Variants in TACC2 observed in about 807,000 individuals in gnomAD.
The protein encoded by TACC2 is transforming acidic coiled-coil containing protein 2.
Under a neutral mutation model 227.3 loss-of-function variants are expected in TACC2, and 137 were observed. The ratio of observed to expected loss-of-function variants is 0.60; its 90% CI spans 0.52 to 0.69. TACC2 has a LOEUF of 0.69. Among genes scored for constraint, TACC2 ranks in the 30% least tolerant of loss-of-function variants. TACC2 has a pLI of 0.00. For synonymous variants in TACC2, 1,523 were observed against 1,487.5 expected (o/e 1.02, Z -0.55); for missense variants, 3,470 against 3,694.4 (o/e 0.94, Z 1.57).
intron 7 of TACC2, among the ~76,000 whole-genome samples, chr10:122,152,029 T>C (rs963161431): frequency 6.6e-6 from 1 of 152,180 alleles, no homozygotes; most frequent in African/African-American, 2.4e-5. Context: ...CTCCCCTTAC[T>C]GCCCAAGGCT....
intron 3 of TACC2, among the ~76,000 whole-genome samples, chr10:122,065,769 C>T (rs1002389673): frequency 3.3e-5 from 5 of 151,978 alleles, no homozygotes; most frequent in African/African-American, 1.2e-4. Context: ...GTTTTTGCTT[C>T]TTGTGTTTTG....
At chr10:122,228,983 T>C (rs569317021) in intron 14 of TACC2, among the ~76,000 whole-genome samples, 94 of 152,216 alleles carry the variant, frequency 6.2e-4, no homozygotes, top group Non-Finnish European at 8.4e-4. Flanking sequence ...TATATATATA[T>C]ATTTGGAAGT....
At chr10:122,173,948 A>G (rs997900134) in intron 7 of TACC2, among the ~76,000 whole-genome samples, 4 of 152,172 alleles carry the variant, frequency 2.6e-5, no homozygotes, top group Admixed American at 1.3e-4. Context: ...TAGACAGGGA[A>G]GTGGGCTAGG....
At chr10:122,105,419 G>C (rs1565314188) in intron 5 of TACC2, among the ~76,000 whole-genome samples, 1 of 152,162 alleles carries the variant, frequency 6.6e-6, no homozygotes, top group Non-Finnish European at 1.5e-5. Flanking sequence ...CCTTGATCCA[G>C]TGGGGCAGAA....
intron 7 of TACC2, among the ~76,000 whole-genome samples, chr10:122,165,751 A>G (rs1423528617): frequency 6.6e-6 from 1 of 152,174 alleles, no homozygotes; most frequent in Non-Finnish European, 1.5e-5. Flanking sequence ...TTACGATAGT[A>G]TATTCACTCA....
At position 122,085,744 on chromosome 10, in the gene TACC2, T is replaced by C. The variant is rs951314455; in HGVS notation, c.3244T>C (p.Cys1082Arg). ...CCAGGATGCCCCAGAGACAGAGGCA[T>C]GTGATGAAACCCAGGAAGGCAGGCA... ...PTQDAPETEA[C>R]DETQEGRQQP... is the part of the protein sequence containing the mutation. Residue 1082 changes from cysteine to arginine, a missense_variant, in exon 4 of 23, where the codon TGT (cysteine) becomes CGT (arginine). Cys to Arg is a radical substitution (Grantham distance 180). This residue lies in a region of TACC2 where 1,924 missense variants were observed against 1,978.3 expected (regional missense o/e 0.97). Coordinates refer to ENST00000369005, the MANE Select transcript of TACC2 (RefSeq NM_206862.4). 2 of 1,613,726 alleles carry C rather than the reference T, an allele frequency of 1.2e-6. No homozygotes were observed. Among genetic ancestry groups the C allele is most frequent in the South Asian group, 1.1e-5 (1 of 91,060 alleles).
chr10:122,104,258 T>C (rs908294577), intron 5 of TACC2, among the ~76,000 whole-genome samples: 1 of 152,226 alleles, frequency 6.6e-6, no homozygotes, highest in African/African-American at 2.4e-5. Context: ...GTGTCAATCA[T>C]TCATGGGCCA....
intron 5 of TACC2, among the ~76,000 whole-genome samples, chr10:122,092,943 A>G (rs915595421): frequency 3.3e-5 from 5 of 152,234 alleles, no homozygotes; most frequent in Non-Finnish European, 7.3e-5. Flanking sequence ...TACATATACA[A>G]CTATCTTCCC....
intron 1 of TACC2, among the ~76,000 whole-genome samples, chr10:121,989,692 C>A (rs1236749798): frequency 6.6e-6 from 1 of 151,844 alleles, no homozygotes; most frequent in Non-Finnish European, 1.5e-5. Context: ...TAGTGAGAGC[C>A]CTTTTGCGTC....
At chr10:122,093,808 G>A (rs944436779) in intron 5 of TACC2, among the ~76,000 whole-genome samples, 6 of 152,208 alleles carry the variant, frequency 3.9e-5, no homozygotes, top group Non-Finnish European at 8.8e-5. Flanking sequence ...TATGGTAAAT[G>A]TATGATTACA....
In TACC2 at chr10:122,019,028, A is replaced by G. The variant is rs548959586; in HGVS notation, c.-45-2909A>G. On this transcript the variant is annotated intron_variant, in intron 1 of 22. Transcript: ENST00000369005. ...CTGAAAGGCTCTGCCCTACACAAAA[A>G]TAGAAACTGGTTGCATGCATGCAAA... Among the ~76,000 whole-genome samples, 211 of 152,360 alleles carry G rather than the reference A, an allele frequency of 1.4e-3. 2 individuals carry two copies. Among genetic ancestry groups the G allele is most frequent in the African/African-American group, 5.0e-3 (207 of 41,600 alleles).
chr10:122,058,881 G>C (rs2076475883), intron 3 of TACC2, among the ~76,000 whole-genome samples: 1 of 136,706 alleles, frequency 7.3e-6, no homozygotes, highest in Non-Finnish European at 1.6e-5. Flanking sequence ...ACTGAGCCCA[G>C]CCCCCTCTGT....
At chr10:122,176,094 T>C (rs976001479) in intron 7 of TACC2, among the ~76,000 whole-genome samples, 1 of 81,482 alleles carries the variant, frequency 1.2e-5, no homozygotes, top group Non-Finnish European at 2.3e-5. Flanking sequence ...TCTCTCTCTC[T>C]CTCTCTCTCT....
In TACC2 at chr10:122,211,315, T is replaced by C; in HGVS notation, c.6890T>C (p.Met2297Thr). Reference sequence around the variant, plus strand: ...ATAGGCAAAAAGCCAGTTGCCAAAATGCCCCTGAGGAGGCCAAAGATGAAA... The same window carrying C: ...ATAGGCAAAAAGCCAGTTGCCAAAACGCCCCTGAGGAGGCCAAAGATGAAA... ...KKIGKKPVAK[M>T]PLRRPKMKKT... The change falls in exon 9 of 23, where the codon ATG (methionine) becomes ACG (threonine). Residue 2297 changes from methionine to threonine, a missense_variant. Coordinates refer to ENST00000369005, the MANE Select transcript of TACC2 (RefSeq NM_206862.4). 6.2e-7 allele frequency: 1 copy of C among 1,614,018 alleles called. No individual in the cohort carries two copies. The highest frequency in any genetic ancestry group is 8.5e-7 in the Non-Finnish European group (1 of 1,180,000).
At chr10:122,011,176 T>C (rs534813330) in intron 1 of TACC2, among the ~76,000 whole-genome samples, 2 of 151,976 alleles carry the variant, frequency 1.3e-5, no homozygotes, top group Admixed American at 6.6e-5. Context: ...GAGAGCTAGG[T>C]AGACAGGGAT....
Position 122,086,282 on chromosome 10 carries a change from C to T in TACC2, c.3782C>T (p.Pro1261Leu), listed in dbSNP as rs750322048. The change falls in exon 4 of 23, where the codon CCC becomes CTC. Residue 1261 changes from proline to leucine, a missense_variant. Transcript: ENST00000369005. The stretch of plus-strand genomic sequence containing the variant: ...GTGAAAGCTGTTTCCTCTGCAGACC[C>T]CAGAGCTCCTGGCGAAAGCCCCTGT... ...SGVKAVSSADPRAPGESPCPV... is the reference protein window; with the variant it reads ...SGVKAVSSADLRAPGESPCPV... The T allele has an allele frequency of 6.2e-7, 1 of 1,614,038 alleles. No homozygotes were observed.
intron 7 of TACC2, among the ~76,000 whole-genome samples, chr10:122,183,349 T>A (rs945803623): frequency 1.3e-5 from 2 of 152,200 alleles, no homozygotes; most frequent in African/African-American, 4.8e-5. Context: ...CCTCTCAGTC[T>A]CCCGTTGGCT....
At position 122,210,319 on chromosome 10, in the gene TACC2, T is replaced by G. The variant is rs1593378624; in HGVS notation, c.5972-78T>G. On this transcript the variant is annotated intron_variant, in intron 8 of 22. Coordinates refer to ENST00000369005, the MANE Select transcript of TACC2 (RefSeq NM_206862.4). The surrounding 1 kb of genome is among the most constrained non-coding windows in gnomAD (Gnocchi z 4.6). ...GTTTGTCAACCCCTACGCTGGAGGG[T>G]GATGTTTTGGTACAAGAGGAGAGGT... 8.7e-7 allele frequency: 1 copy of G among 1,147,038 alleles called. No individual in the cohort carries two copies. Among genetic ancestry groups the G allele is most frequent in the East Asian group, 2.4e-5 (1 of 41,614 alleles). The allele number at this position is 1,147,038 out of a possible 1,614,324, so 71.1% of individuals were successfully genotyped here.
chr10:122,065,857 G>A (rs1027583216), intron 3 of TACC2, among the ~76,000 whole-genome samples: 1 of 152,002 alleles, frequency 6.6e-6, no homozygotes, highest in Non-Finnish European at 1.5e-5. Flanking sequence ...AATTTATATG[G>A]ATAAATTGAA....
Sources: allele counts gnomAD v4.1 joint callset (sites outside exome capture counted in the v4.1 genomes callset), GRCh38; gene constraint gnomAD v4.1.1; regional missense constraint gnomAD v4.1.1; non-coding constraint Gnocchi (gnomAD v3.1); transcripts MANE v1.5; gene names NCBI Gene and HGNC (gene_info 2026-07-23, HGNC 2026-07-21).